RHBDL1: variants seen among roughly 807,000 people sequenced by gnomAD.
RHBDL1 encodes rhomboid-related protein 1.
A neutral mutation model predicts 34.0 loss-of-function variants in RHBDL1; 21 were observed. That is an observed-to-expected ratio of 0.62 (90% CI 0.44 to 0.89). RHBDL1 has a LOEUF of 0.89. Ranked by LOEUF, RHBDL1 falls within the 40% of genes least tolerant of loss-of-function variation. The pLI is 0.00. For synonymous variants in RHBDL1, 268 were observed against 234.8 expected (o/e 1.14, Z -1.29); for missense variants, 450 against 530.6 (o/e 0.85, Z 1.49).
In RHBDL1 at chr16:676,343, A is replaced by AC. The variant is rs1228049268; in HGVS notation, c.51dup (p.Glu18ArgfsTer19). The AC allele has an allele frequency of 6.2e-7, 1 of 1,609,600 alleles. No homozygotes were observed. Among genetic ancestry groups the AC allele is most frequent in the African/African-American group, 1.3e-5 (1 of 74,640 alleles). On this transcript the variant is annotated frameshift_variant, in exon 2 of 8. Coordinates refer to ENST00000352681, the MANE Select transcript of RHBDL1 (RefSeq NM_001278720.2). LOFTEE classifies it high-confidence loss of function. The surrounding 1 kb of genome is among the most constrained non-coding windows in gnomAD (Gnocchi z 6.9). Reference sequence around the variant, plus strand: ...GGCGGCTCCTCACTGCAGCAGCTGGACCCCGAGAACACAGGCTTCATCGGT... The same window carrying AC: ...GGCGGCTCCTCACTGCAGCAGCTGGACCCCCGAGAACACAGGCTTCATCGGT...
rs367596814 is a variant in RHBDL1, at chr16:676,777, C to T, written c.307C>T (p.Arg103Trp). 5.6e-6 allele frequency: 9 copies of T among 1,611,206 alleles called. No homozygotes were observed. Among genetic ancestry groups the T allele is most frequent in the African/African-American group, 2.7e-5 (2 of 74,376 alleles). The change falls in exon 3 of 8, where the codon CGG becomes TGG. Residue 103 changes from arginine to tryptophan, a missense_variant. Coordinates refer to ENST00000352681, the MANE Select transcript of RHBDL1 (RefSeq NM_001278720.2). This position sits in a 1 kb window ranked among gnomAD's most constrained non-coding sequence, Gnocchi z 6.9. ...TGAGCCAGGCCTAGGTGTCTACAAGCGGTTTGTGCGTTACGTGGCCTACGA... is the reference window on the plus strand; with the variant it reads ...TGAGCCAGGCCTAGGTGTCTACAAGTGGTTTGTGCGTTACGTGGCCTACGA... ...LDEPGLGVYKRFVRYVAYEIL... is the reference protein window; with the variant it reads ...LDEPGLGVYKWFVRYVAYEIL...
rs1247934346 is a variant in RHBDL1, at chr16:676,026, G to A, written c.39+197G>A. On this transcript the variant is annotated intron_variant, in intron 1 of 7. Coordinates refer to ENST00000352681, the MANE Select transcript of RHBDL1 (RefSeq NM_001278720.2). This position sits in a 1 kb window ranked among gnomAD's most constrained non-coding sequence, Gnocchi z 6.9. ...AGAGCTCCTGGCTGGAGAAGGGAGA[G>A]TCGGGGGGAGGGAGGGAGGGAGGGA... 1.4e-6 allele frequency: 2 copies of A among 1,434,578 alleles called. No homozygotes were observed. The allele number at this position is 1,434,578 out of a possible 1,614,324, so 88.9% of individuals were successfully genotyped here. A position where few individuals can be genotyped will look rare whatever the true frequency, so the allele number is the denominator to read the frequency against.
At chr16:677,221 G>T in intron 4 of RHBDL1, 55 bp from the exon 5 acceptor site, 1 of 1,558,206 alleles carries the variant, frequency 6.4e-7, no homozygotes, top group Non-Finnish European at 8.7e-7. Context: ...ACGGCTGGGG[G>T]TGGGGCCGGA....
chr16:676,243 C>T lies in RHBDL1; in HGVS notation c.40-93C>T. The T allele has an allele frequency of 6.4e-7, 1 of 1,557,018 alleles. No homozygotes were observed. Among genetic ancestry groups the T allele is most frequent in the South Asian group, 1.2e-5 (1 of 85,174 alleles). ...GCCCCTGTCCCAAAAGTGCTGGGAG[C>T]CTGAGCCTGATGCTCCCAGCCAGCC... On this transcript the variant is annotated intron_variant, in intron 1 of 7. Transcript: ENST00000352681. This position sits in a 1 kb window ranked among gnomAD's most constrained non-coding sequence, Gnocchi z 6.9.
rs947525506 is a variant in RHBDL1, at chr16:677,399, C to T, written c.688+11C>T. On this transcript the variant is annotated intron_variant, in intron 5 of 7. Transcript: ENST00000352681. ...CAGGCGTGCTGGCAGGTGAGGCAGG[C>T]GCGCACCCCCGCCCCCTGCCCTGGC... The T allele has an allele frequency of 1.3e-5, 20 of 1,564,798 alleles. No homozygotes were observed. In the South Asian group the frequency reaches 1.5e-4, roughly 12 times the overall value.
chr16:677,474 C>G lies in RHBDL1; in HGVS notation c.704C>G (p.Ser235Cys). 3.1e-6 allele frequency: 5 copies of G among 1,607,820 alleles called. No homozygotes were observed. Among genetic ancestry groups the G allele is most frequent in the Non-Finnish European group, 4.2e-6 (5 of 1,179,494 alleles). ...AGVLAGSLTVSITDMRAPVVG... is the reference protein window; with the variant it reads ...AGVLAGSLTVCITDMRAPVVG... ...GCTCACACAGGCTCCCTAACCGTCT[C>G]CATCACCGACATGCGGGCCCCGGTG... is the stretch of plus-strand genomic sequence containing the variant. Residue 235 changes from serine (S) to cysteine (C), a missense_variant, in exon 6 of 8, where the codon TCC (serine) becomes TGC (cysteine). Physicochemically the swap from Ser to Cys is moderately radical, Grantham distance 112. Transcript: ENST00000352681.
intron 7 of RHBDL1, 25 bp downstream of exon 7, chr16:677,724 C>G: frequency 6.6e-7 from 1 of 1,523,510 alleles, no homozygotes; most frequent in Non-Finnish European, 8.8e-7. Flanking sequence ...GGGGGAGGGC[C>G]GGGGGGCCTC....
chr16:676,952 C>A lies in RHBDL1; in HGVS notation c.427-19C>A. 1 of 1,611,962 alleles carries A rather than the reference C, an allele frequency of 6.2e-7. No individual in the cohort carries two copies. Among genetic ancestry groups the A allele is most frequent in the Non-Finnish European group, 8.5e-7 (1 of 1,179,362 alleles). ...TCCCGCGCTCCTGGCCATGACCAGC[C>A]TAACACTCGTGTCCCCAGATCATCG... On this transcript the variant is annotated intron_variant, in intron 3 of 7. Transcript: ENST00000352681. The surrounding 1 kb of genome is among the most constrained non-coding windows in gnomAD (Gnocchi z 6.9).
Position 677,566 on chromosome 16 carries a change from G to C in RHBDL1, c.789+7G>C, listed in dbSNP as rs2039571153. Reference sequence around the variant, plus strand: ...CCTGGCCAACGTTGTCATGGTAACGGGCCTGCCCGGTGGGGGGCGTGGGGA... The same window carrying C: ...CCTGGCCAACGTTGTCATGGTAACGCGCCTGCCCGGTGGGGGGCGTGGGGA... On this transcript the variant is annotated splice_region_variant and intron_variant, in intron 6 of 7. Transcript: ENST00000352681. The C allele has an allele frequency of 6.2e-7, 1 of 1,608,968 alleles. No individual in the cohort carries two copies. Among genetic ancestry groups the C allele is most frequent in the South Asian group, 1.1e-5 (1 of 90,732 alleles).
Position 677,858 on chromosome 16 carries a change from A to C in RHBDL1, c.928A>C (p.Met310Leu). 2 of 1,593,828 alleles carry C rather than the reference A, an allele frequency of 1.3e-6. No individual in the cohort carries two copies. The highest frequency in any genetic ancestry group is 1.7e-6 in the Non-Finnish European group (2 of 1,176,024). The change falls in exon 8 of 8, where the codon ATG becomes CTG. Residue 310 changes from methionine to leucine, a missense_variant. Coordinates refer to ENST00000352681, the MANE Select transcript of RHBDL1 (RefSeq NM_001278720.2). Reference protein sequence around the residue: ...LPASGPQPSFMAHLAGAVVGV... With the variant: ...LPASGPQPSFLAHLAGAVVGV... The stretch of plus-strand genomic sequence containing the variant: ...CGCCTCGGGCCCACAGCCCAGCTTC[A>C]TGGCGCACCTGGCAGGCGCGGTGGT...
rs1427900271 is a variant in RHBDL1 at position 675,787 on chromosome 16, C to A, written c.-4C>A. The A allele has an allele frequency of 7.4e-6, 11 of 1,493,854 alleles. No homozygotes were observed. Among genetic ancestry groups the A allele is most frequent in the Middle Eastern group, 2.3e-4 (1 of 4,406 alleles). The allele number at this position is 1,493,854 out of a possible 1,614,324, so 92.5% of individuals were successfully genotyped here. On this transcript the variant is annotated 5_prime_UTR_variant, in exon 1 of 8. Transcript: ENST00000352681. ...CCCCGGACCCCGGCCCCCGGCCAGG[C>A]TCTATGGACAGGAGCTCGCTGCTGC...
intron 6 of RHBDL1, 27 bp downstream of exon 6, chr16:677,586 T>TG (rs2039571622): frequency 1.5e-5 from 24 of 1,606,830 alleles, no homozygotes; most frequent in Non-Finnish European, 2.0e-5. Context: ...GTGGGGGGCG[T>TG]GGGGAGGGGC....
chr16:677,190 C>A, intron 4 of RHBDL1, 71 bp downstream of exon 4: 1 of 1,575,144 alleles, frequency 6.3e-7, no homozygotes. Flanking sequence ...AGCCGCAAGG[C>A]AGGTGCGGCA....
In RHBDL1 at chr16:678,207, C is replaced by T. The variant is rs2039588228; in HGVS notation, c.*155C>T. On this transcript the variant is annotated 3_prime_UTR_variant, in exon 8 of 8. Coordinates refer to ENST00000352681, the MANE Select transcript of RHBDL1 (RefSeq NM_001278720.2). ...GGAGGCCCTGTCCCAGCCACCCACC[C>T]CCCACTCCCAGGACTTGCGGTCTGA... 2.9e-6 allele frequency: 4 copies of T among 1,382,570 alleles called. No homozygotes were observed. Among genetic ancestry groups the T allele is most frequent in the Non-Finnish European group, 3.7e-6 (4 of 1,074,588 alleles). The allele number at this position is 1,382,570 out of a possible 1,614,324, so 85.6% of individuals were successfully genotyped here.
chr16:678,222 T>C lies in RHBDL1; in HGVS notation c.*170T>C. ...GCCACCCACCCCCCACTCCCAGGAC[T>C]TGCGGTCTGAGCCTTTTTGGATAAT... On this transcript the variant is annotated 3_prime_UTR_variant, in exon 8 of 8. Transcript: ENST00000352681. The C allele has an allele frequency of 7.3e-7, 1 of 1,375,510 alleles. No individual in the cohort carries two copies. Among genetic ancestry groups the C allele is most frequent in the Non-Finnish European group, 9.3e-7 (1 of 1,070,254 alleles). 85.2% of individuals were successfully genotyped at this position (1,375,510 alleles called of 1,614,324 possible). A position where few individuals can be genotyped will look rare whatever the true frequency, so the allele number is the denominator to read the frequency against.
rs547212740 is a variant in RHBDL1 at position 675,760 on chromosome 16, G to T, written c.-31G>T. 4.3e-5 allele frequency: 62 copies of T among 1,437,056 alleles called. No individual in the cohort carries two copies. In the African/African-American group the frequency reaches 8.4e-4, roughly 19 times the overall value. The allele number at this position is 1,437,056 out of a possible 1,614,324, so 89.0% of individuals were successfully genotyped here. A position where few individuals can be genotyped will look rare whatever the true frequency, so the allele number is the denominator to read the frequency against. ...GCAGCCCCTCCCGGCCGCGGCCGCC[G>T]ACCCCGGACCCCGGCCCCCGGCCAG... On this transcript the variant is annotated 5_prime_UTR_variant, in exon 1 of 8. Coordinates refer to ENST00000352681, the MANE Select transcript of RHBDL1 (RefSeq NM_001278720.2).
chr16:677,129 A>C lies in RHBDL1; in HGVS notation c.575+10A>C, dbSNP rs1424657358. 6.2e-7 allele frequency: 1 copy of C among 1,600,068 alleles called. No homozygotes were observed. The highest frequency in any genetic ancestry group is 1.7e-5 in the Admixed American group (1 of 59,434). On this transcript the variant is annotated intron_variant, in intron 4 of 7. Coordinates refer to ENST00000352681, the MANE Select transcript of RHBDL1 (RefSeq NM_001278720.2). ...TGTTCATGCACGTTGGGTGAGTAGC[A>C]CTGCTGCCCGGTGAGCCCCGCCCCA...
At chr16:677,198 G>A in intron 4 of RHBDL1, 78 bp from the exon 5 acceptor site, 1 of 1,571,228 alleles carries the variant, frequency 6.4e-7, no homozygotes, top group South Asian at 1.2e-5. Flanking sequence ...GGCAGGTGCG[G>A]CAACTTGAGG....
rs373437528 is a variant in RHBDL1, at chr16:676,642, C to T, written c.202-30C>T. On this transcript the variant is annotated intron_variant, in intron 2 of 7. Coordinates refer to ENST00000352681, the MANE Select transcript of RHBDL1 (RefSeq NM_001278720.2). This position sits in a 1 kb window ranked among gnomAD's most constrained non-coding sequence, Gnocchi z 6.9. ...CAGGCAGGGGTGCCATGGGGAGGTC[C>T]GTGGCCCACACTCAGGCCCCTGCCC... 84 of 1,604,204 alleles carry T rather than the reference C, an allele frequency of 5.2e-5. No homozygotes were observed. The African/African-American group carries it at 6.4e-4, about 12-fold the overall frequency.
Sources: allele counts gnomAD v4.1 joint callset, GRCh38; gene constraint gnomAD v4.1.1; non-coding constraint Gnocchi (gnomAD v3.1); transcripts MANE v1.5; gene names NCBI Gene and HGNC (gene_info 2026-07-23, HGNC 2026-07-21).